Variants in DLG2 observed in about 807,000 individuals in gnomAD.
DLG2 encodes disks large homolog 2.
In DLG2, 45 loss-of-function variants were observed where a neutral mutation model predicts 132.5. That is an observed-to-expected ratio of 0.34 (90% CI 0.27 to 0.44). The LOEUF (loss-of-function observed/expected upper bound fraction) is 0.44, where lower values mean the gene tolerates loss of function less well. DLG2 is among the 20% of genes least tolerant of loss of function. DLG2 has a pLI of 1.00. For missense variants in DLG2, 1,045 were observed against 1,196.9 expected (o/e 0.87, Z 1.87); for synonymous variants, 424 against 419.6 (o/e 1.01, Z -0.13).
chr11:85,078,363 A>G (rs2066819650), intron 6 of DLG2, among the ~76,000 whole-genome samples: 1 of 151,742 alleles, frequency 6.6e-6, no homozygotes. Context: ...TAGTTATGTG[A>G]AAATCTGAAA....
At chr11:84,608,081 A>G (rs777856771) in intron 6 of DLG2, among the ~76,000 whole-genome samples, 26 of 152,120 alleles carry the variant, frequency 1.7e-4, no homozygotes, top group Non-Finnish European at 3.2e-4. Context: ...CCTTATAAGC[A>G]TCTCTCTAGA....
At chr11:83,755,598 T>C (rs769380763) in intron 18 of DLG2, among the ~76,000 whole-genome samples, 20 of 151,432 alleles carry the variant, frequency 1.3e-4, no homozygotes, top group Admixed American at 6.6e-5. Context: ...TTAGATAGAG[T>C]AATGGACACA....
intron 10 of DLG2, among the ~76,000 whole-genome samples, chr11:84,072,499 T>A (rs182530651): frequency 6.6e-6 from 1 of 152,270 alleles, no homozygotes; most frequent in East Asian, 1.9e-4. Flanking sequence ...AGGAGAACCT[T>A]ATTTGGTTTT....
chr11:84,959,946 C>A (rs184566873), intron 6 of DLG2, among the ~76,000 whole-genome samples: 217 of 152,210 alleles, frequency 1.4e-3, no homozygotes, highest in African/African-American at 5.2e-3. Flanking sequence ...AAGATTGGTT[C>A]TGTGGGAGTG....
At chr11:85,519,005 GAAGACATATGGA>G (rs2094224046) in intron 3 of DLG2, among the ~76,000 whole-genome samples, 2 of 152,176 alleles carry the variant, frequency 1.3e-5, no homozygotes, top group African/African-American at 2.4e-5. Flanking sequence ...CTAGATTTCA[GAAGACATATGGA>G]AAGACATATG....
At chr11:84,211,339 A>C (rs946888674) in intron 8 of DLG2, among the ~76,000 whole-genome samples, 4 of 152,146 alleles carry the variant, frequency 2.6e-5, no homozygotes, top group African/African-American at 9.7e-5. Flanking sequence ...CTTGTAGTTC[A>C]CCTCCTTCCC....
At chr11:85,273,182 A>G (rs1324184745) in intron 4 of DLG2, among the ~76,000 whole-genome samples, 3 of 152,202 alleles carry the variant, frequency 2.0e-5, no homozygotes, top group Non-Finnish European at 4.4e-5. Flanking sequence ...ACCACTCAGG[A>G]CACAGGCATG....
intron 7 of DLG2, among the ~76,000 whole-genome samples, chr11:84,319,905 C>T (rs1307361265): frequency 6.6e-6 from 1 of 152,138 alleles, no homozygotes; most frequent in East Asian, 1.9e-4. Flanking sequence ...TCCTATCTTT[C>T]CCTCCCCACA....
intron 6 of DLG2, among the ~76,000 whole-genome samples, chr11:84,702,168 T>C (rs551120302): frequency 1.1e-4 from 16 of 151,796 alleles, no homozygotes; most frequent in African/African-American, 3.9e-4. Flanking sequence ...GCTTTATTCC[T>C]GTGGTACTAA....
chr11:84,503,079 A>G (rs954305949), intron 7 of DLG2, among the ~76,000 whole-genome samples: 1 of 152,186 alleles, frequency 6.6e-6, no homozygotes. Flanking sequence ...GTTTCTAATA[A>G]TGATTTGAAG....
chr11:84,863,790 G>A lies in DLG2; in HGVS notation c.357+247871C>T, dbSNP rs533286156. Among the ~76,000 whole-genome samples, 19 of 151,702 alleles carry A rather than the reference G, an allele frequency of 1.3e-4. 1 individual carries two copies. The highest frequency in any genetic ancestry group is 3.9e-4 in the Admixed American group (6 of 15,272). ...AAACTCTGGAAGTTCAAATAAAAGA[G>A]CATGGGATTTGCAGTGCACTGAGGA... On this transcript the variant is annotated intron_variant, in intron 6 of 27. Coordinates refer to ENST00000376104, the MANE Select transcript of DLG2 (RefSeq NM_001142699.3).
At chr11:83,940,752 CCCTATT>C (rs1472114553) in intron 14 of DLG2, among the ~76,000 whole-genome samples, 8 of 152,182 alleles carry the variant, frequency 5.3e-5, no homozygotes, top group African/African-American at 1.9e-4. Flanking sequence ...TCAAGTCCGG[CCCTATT>C]CCTTTAAGAC....
At position 84,180,735 on chromosome 11, in the gene DLG2, C is replaced by T. The variant is rs578188605; in HGVS notation, c.574-17224G>A. Among the ~76,000 whole-genome samples, 6 of 152,052 alleles carry T rather than the reference C, an allele frequency of 3.9e-5. No homozygotes were observed. The East Asian group carries it at 1.2e-3, about 29-fold the overall frequency. ...CAAAGATAAAAATTATATCTGAACCCCCCCAGAAACCATGCAAACTGGAAG... is the reference window on the plus strand; with the variant it reads ...CAAAGATAAAAATTATATCTGAACCTCCCCAGAAACCATGCAAACTGGAAG... On this transcript the variant is annotated intron_variant, in intron 8 of 27. Coordinates refer to ENST00000376104, the MANE Select transcript of DLG2 (RefSeq NM_001142699.3).
intron 3 of DLG2, among the ~76,000 whole-genome samples, chr11:85,352,089 C>A (rs1194027690): frequency 6.6e-6 from 1 of 152,106 alleles, no homozygotes; most frequent in African/African-American, 2.4e-5. Context: ...ATTTCAGAGC[C>A]TGTTATTGGT....
chr11:85,487,616 T>G (rs2093459486), intron 3 of DLG2, among the ~76,000 whole-genome samples: 1 of 151,730 alleles, frequency 6.6e-6, no homozygotes, highest in Non-Finnish European at 1.5e-5. Context: ...TTTGAAATAA[T>G]CCAGTCAGAC....
chr11:84,090,269 C>A (rs888398437), intron 10 of DLG2, among the ~76,000 whole-genome samples: 1 of 151,892 alleles, frequency 6.6e-6, no homozygotes, highest in African/African-American at 2.4e-5. Context: ...CAAAAATTAG[C>A]TGGGCGTGGT....
chr11:85,202,537 C>A (rs1423719334), intron 4 of DLG2, among the ~76,000 whole-genome samples: 1 of 152,046 alleles, frequency 6.6e-6, no homozygotes, highest in African/African-American at 2.4e-5. Flanking sequence ...GCCCTCTAGA[C>A]CACATAGACC....
At chr11:85,351,101 G>A (rs2083255802) in intron 3 of DLG2, among the ~76,000 whole-genome samples, 1 of 152,138 alleles carries the variant, frequency 6.6e-6, no homozygotes, top group African/African-American at 2.4e-5. Context: ...GTGGTTTGTA[G>A]TTCTCCTTGA....
chr11:84,752,188 T>A (rs2066210652), intron 6 of DLG2, among the ~76,000 whole-genome samples: 1 of 152,212 alleles, frequency 6.6e-6, no homozygotes, highest in Non-Finnish European at 1.5e-5. Context: ...TAGCCTTGGA[T>A]CACTTAACCT....
Sources: gnomAD v4.1 joint callset for allele counts (sites outside exome capture counted in the v4.1 genomes callset) on GRCh38, gnomAD v4.1.1 for gene constraint, MANE v1.5 for transcripts, NCBI Gene and HGNC (gene_info 2026-07-23, HGNC 2026-07-21) for gene names.